The following RARB variants were observed in gnomAD, a reference collection of about 807,000 sequenced individuals.
RARB encodes retinoic acid receptor beta, also known as HBV-activated protein.
A neutral mutation model predicts 51.9 loss-of-function variants in RARB; 17 were observed. The observed-to-expected ratio is 0.33, with a 90% CI of 0.22 to 0.49. The LOEUF (loss-of-function observed/expected upper bound fraction) is 0.49, where lower values mean the gene tolerates loss of function less well. RARB is among the 20% of genes least tolerant of loss of function. The pLI, the probability that RARB is intolerant of heterozygous loss-of-function variation, is 0.99. For synonymous variants in RARB, 215 were observed against 195.4 expected (o/e 1.10, Z -0.84); for missense variants, 369 against 550.8 (o/e 0.67, Z 3.30).
At chr3:25,088,254 G>A (rs985922427) in intron 3 of RARB, among the ~76,000 whole-genome samples, 9 of 152,118 alleles carry the variant, frequency 5.9e-5, no homozygotes, top group African/African-American at 1.9e-4. Flanking sequence ...ATCCTCCAGC[G>A]ACTTGATACA....
intron 5 of RARB, among the ~76,000 whole-genome samples, chr3:25,326,671 A>G (rs1438092696): frequency 6.6e-6 from 1 of 152,102 alleles, no homozygotes; most frequent in Non-Finnish European, 1.5e-5. Flanking sequence ...ATCTGTTGGC[A>G]CCTTTTGTTG....
chr3:24,873,530 C>G (rs1702985365), intron 2 of RARB, among the ~76,000 whole-genome samples: 1 of 151,886 alleles, frequency 6.6e-6, no homozygotes, highest in Admixed American at 6.6e-5. Flanking sequence ...TTAGTCTTCT[C>G]AGGGGACCAA....
chr3:25,368,431 G>C (rs1706195184), intron 5 of RARB, among the ~76,000 whole-genome samples: 1 of 152,152 alleles, frequency 6.6e-6, no homozygotes. Context: ...TCATTAAGAT[G>C]TATATTCCAT....
intron 2 of RARB, among the ~76,000 whole-genome samples, chr3:24,961,870 C>A (rs1289961103): frequency 6.9e-6 from 1 of 145,894 alleles, no homozygotes; most frequent in South Asian, 2.2e-4. Context: ...CTTATAAGTG[C>A]GTACGTGAGA....
At chr3:25,497,303 C>G (rs571932389) in intron 2 of RARB, among the ~76,000 whole-genome samples, 43 of 152,286 alleles carry the variant, frequency 2.8e-4, no homozygotes, top group Middle Eastern at 6.8e-3. Flanking sequence ...TGACTCAGTT[C>G]TAAGATGAAT....
At chr3:25,332,742 G>C (rs1309410583) in intron 5 of RARB, among the ~76,000 whole-genome samples, 2 of 152,290 alleles carry the variant, frequency 1.3e-5, no homozygotes, top group South Asian at 2.1e-4. Flanking sequence ...AATTGTCCCT[G>C]TTTGCAGATG....
At chr3:25,477,022 G>T (rs922423123) in intron 2 of RARB, among the ~76,000 whole-genome samples, 3 of 152,138 alleles carry the variant, frequency 2.0e-5, no homozygotes, top group African/African-American at 7.2e-5. Flanking sequence ...TGTAGAAGAG[G>T]TGGGAGAAAA....
intron 3 of RARB, among the ~76,000 whole-genome samples, chr3:25,081,605 A>G (rs534039290): frequency 3.3e-4 from 4 of 11,968 alleles, no homozygotes; most frequent in Non-Finnish European, 6.3e-4. Context: ...ATATATATAT[A>G]TATATATATA....
chr3:24,844,362 C>G (rs891729647), intron 1 of RARB, among the ~76,000 whole-genome samples: 47 of 152,188 alleles, frequency 3.1e-4, no homozygotes, highest in African/African-American at 1.1e-3. Context: ...GATAGTCTTT[C>G]TTGCTCATAA....
At chr3:25,469,692 C>T (rs114325611) in intron 2 of RARB, among the ~76,000 whole-genome samples, 200 of 152,264 alleles carry the variant, frequency 1.3e-3, no homozygotes, top group African/African-American at 4.7e-3. Context: ...TGAGACAGCT[C>T]CAGGATATAG....
At chr3:25,157,813 A>G (rs2125344761) in intron 4 of RARB, among the ~76,000 whole-genome samples, 1 of 152,346 alleles carries the variant, frequency 6.6e-6, no homozygotes, top group East Asian at 1.9e-4. Flanking sequence ...TTTGCCTCTA[A>G]CAGAAGCTTG....
chr3:24,980,763 T>G (rs1696646246), intron 2 of RARB, among the ~76,000 whole-genome samples: 1 of 152,254 alleles, frequency 6.6e-6, no homozygotes, highest in African/African-American at 2.4e-5. Flanking sequence ...AGCCTACTTC[T>G]GTCAACTCGT....
In RARB at chr3:25,305,704, G is replaced by A. The variant is rs533567667; in HGVS notation, c.178+131129G>A. Among the ~76,000 whole-genome samples, 5 of 152,252 alleles carry A rather than the reference G, an allele frequency of 3.3e-5. No homozygotes were observed. The East Asian group carries it at 9.7e-4, about 29-fold the overall frequency. On this transcript the variant is annotated intron_variant, in intron 5 of 11. Coordinates refer to the RARB transcript ENST00000383772. ...TCCACGACACTCCTACCTAGTGGGG[G>A]AGAAATTCCATTTGTTGAAGAGCAG...
chr3:25,219,396 A>G (rs1559510488), intron 5 of RARB, among the ~76,000 whole-genome samples: 1 of 152,206 alleles, frequency 6.6e-6, no homozygotes. Context: ...AAGAATAACT[A>G]CGTAATGGCT....
At chr3:25,108,625 A>G (rs1461092362) in intron 3 of RARB, among the ~76,000 whole-genome samples, 1 of 152,140 alleles carries the variant, frequency 6.6e-6, no homozygotes, top group Non-Finnish European at 1.5e-5. Context: ...GTGTCCAGGG[A>G]AAAAAGAATG....
intron 3 of RARB, among the ~76,000 whole-genome samples, chr3:25,523,999 C>G (rs1472601932): frequency 6.6e-6 from 1 of 152,158 alleles, no homozygotes; most frequent in East Asian, 1.9e-4. Flanking sequence ...TGGGCAATGC[C>G]TAAGGCTGAA....
chr3:25,195,536 A>T (rs1288519808), intron 5 of RARB, among the ~76,000 whole-genome samples: 2 of 152,018 alleles, frequency 1.3e-5, no homozygotes, highest in Admixed American at 1.3e-4. Flanking sequence ...ATCACATCTT[A>T]TTCCTTTAAC....
chr3:25,103,426 G>C (rs1030526755), intron 3 of RARB, among the ~76,000 whole-genome samples: 8 of 152,160 alleles, frequency 5.3e-5, no homozygotes, highest in African/African-American at 1.9e-4. Flanking sequence ...TGACCCAAAT[G>C]TAACTGCCTT....
Position 25,026,096 on chromosome 3 carries a change from C to A in RARB, c.-379-34029C>A, listed in dbSNP as rs552411710. Among the ~76,000 whole-genome samples the A allele has an allele frequency of 5.9e-5, 9 of 152,204 alleles. No individual in the cohort carries two copies. In the South Asian group the frequency reaches 8.3e-4, roughly 14 times the overall value. ...TTTTCATGAGTGCTCTTGCTCCCCC[C>A]ACCTTGAGAAATTTGATAAAAGCCG... On this transcript the variant is annotated intron_variant, in intron 2 of 11. Coordinates refer to the RARB transcript ENST00000383772.
Sources: allele counts gnomAD v4.1 joint callset (sites outside exome capture counted in the v4.1 genomes callset), GRCh38; gene constraint gnomAD v4.1.1; transcripts MANE v1.5; gene names NCBI Gene and HGNC (gene_info 2026-07-23, HGNC 2026-07-21).